The following ST8SIA5 variants were observed in gnomAD, a reference collection of about 807,000 sequenced individuals.
The protein encoded by ST8SIA5 is ST8 alpha-N-acetyl-neuraminide alpha-2,8-sialyltransferase 5, also known as alpha-2,8-sialyltransferase 8E.
A neutral mutation model predicts 40.2 loss-of-function variants in ST8SIA5; 24 were observed. That is an observed-to-expected ratio of 0.60 (90% confidence interval 0.43 to 0.84). The LOEUF (loss-of-function observed/expected upper bound fraction) is 0.84, where lower values mean the gene tolerates loss of function less well. Ranked by LOEUF, ST8SIA5 falls within the 40% of genes least tolerant of loss-of-function variation. The pLI, the probability that ST8SIA5 is intolerant of heterozygous loss-of-function variation, is 0.00. For synonymous variants in ST8SIA5, 198 were observed against 201.8 expected (o/e 0.98, Z 0.16); for missense variants, 465 against 498.5 (o/e 0.93, Z 0.64).
chr18:46,731,354 A>G (rs1334654777), intron 1 of ST8SIA5, among the ~76,000 whole-genome samples: 1 of 152,262 alleles, frequency 6.6e-6, no homozygotes, highest in Admixed American at 6.5e-5. Flanking sequence ...AATGAAAAAT[A>G]AGGAAAACAA....
intron 1 of ST8SIA5, among the ~76,000 whole-genome samples, chr18:46,719,959 C>T (rs2039844842): frequency 6.6e-6 from 1 of 151,998 alleles, no homozygotes; most frequent in South Asian, 2.1e-4. Flanking sequence ...CCGTCTCAGC[C>T]TCCTGAGTAG....
At chr18:46,733,835 G>C (rs770796137) in intron 1 of ST8SIA5, among the ~76,000 whole-genome samples, 1 of 152,296 alleles carries the variant, frequency 6.6e-6, no homozygotes, top group South Asian at 2.1e-4. Flanking sequence ...GCCAGTGATG[G>C]GGCATCAGTT....
chr18:46,721,978 A>T (rs2039868481), intron 1 of ST8SIA5, among the ~76,000 whole-genome samples: 1 of 152,206 alleles, frequency 6.6e-6, no homozygotes, highest in Non-Finnish European at 1.5e-5. Flanking sequence ...CACTAAAATG[A>T]CAGCAAAGGG....
intron 1 of ST8SIA5, among the ~76,000 whole-genome samples, chr18:46,750,109 TAACAGAAAACATTCA>T (rs992406384): frequency 3.3e-5 from 5 of 152,190 alleles, no homozygotes; most frequent in African/African-American, 1.2e-4. Context: ...GATGTAAATC[TAACAGAAAACATTCA>T]AACTCTTTAT....
chr18:46,704,892 C>T (rs1221343901), intron 1 of ST8SIA5, among the ~76,000 whole-genome samples: 1 of 152,164 alleles, frequency 6.6e-6, no homozygotes, highest in Non-Finnish European at 1.5e-5. Flanking sequence ...GGAGTGTAGG[C>T]ATTTACAGAG....
chr18:46,746,060 C>T (rs769951229), intron 1 of ST8SIA5, among the ~76,000 whole-genome samples: 6 of 152,076 alleles, frequency 3.9e-5, no homozygotes, highest in Non-Finnish European at 8.8e-5. Context: ...GTTGAAGGAA[C>T]GTATCTCAAA....
intron 1 of ST8SIA5, 69 bp downstream of exon 1, chr18:46,756,309 G>C: frequency 6.3e-7 from 1 of 1,590,972 alleles, no homozygotes; most frequent in Non-Finnish European, 8.6e-7. Flanking sequence ...CGAAGCTGCC[G>C]CGGCCACTGC....
intron 2 of ST8SIA5, among the ~76,000 whole-genome samples, chr18:46,700,977 G>A (rs2039607800): frequency 6.6e-6 from 1 of 152,072 alleles, no homozygotes; most frequent in Admixed American, 6.5e-5. Context: ...TGTGTTTTGA[G>A]CTCAAAACAA....
chr18:46,743,277 A>C (rs941061252), intron 1 of ST8SIA5, among the ~76,000 whole-genome samples: 5 of 152,178 alleles, frequency 3.3e-5, no homozygotes, highest in African/African-American at 1.2e-4. Flanking sequence ...AGCTAAAGGA[A>C]CATGTTCTAA....
intron 5 of ST8SIA5, chr18:46,685,796 A>G (rs977073047): frequency 8.6e-6 from 2 of 231,618 alleles, no homozygotes; most frequent in East Asian, 8.8e-5. Flanking sequence ...GGTGAAGCCA[A>G]TATTGGTGTC....
At chr18:46,756,138 T>G (rs1477227344) in intron 1 of ST8SIA5, among the ~76,000 whole-genome samples, 1 of 152,168 alleles carries the variant, frequency 6.6e-6, no homozygotes, top group Non-Finnish European at 1.5e-5. Context: ...TTCTATTCTG[T>G]CCTTCATTTT....
chr18:46,707,834 GATGCTGTTT>G (rs1361933938), intron 1 of ST8SIA5, among the ~76,000 whole-genome samples: 1 of 152,212 alleles, frequency 6.6e-6, no homozygotes, highest in Non-Finnish European at 1.5e-5. Context: ...ACAGCAAGGA[GATGCTGTTT>G]ATGAACCAGG....
intron 1 of ST8SIA5, among the ~76,000 whole-genome samples, chr18:46,707,304 G>A (rs2039679169): frequency 6.6e-6 from 1 of 152,134 alleles, no homozygotes; most frequent in African/African-American, 2.4e-5. Context: ...GGGGAATTGG[G>A]GACTTGCAGA....
At chr18:46,682,140 A>T in intron 5 of ST8SIA5, 76 bp from the exon 6 acceptor site, 2 of 1,092,072 alleles carry the variant, frequency 1.8e-6, no homozygotes, top group Non-Finnish European at 2.6e-6. Context: ...GGGGGAGGGG[A>T]GGGATGGTGA....
chr18:46,690,684 A>G (rs1280224622), intron 3 of ST8SIA5, among the ~76,000 whole-genome samples: 1 of 128,796 alleles, frequency 7.8e-6, no homozygotes. Flanking sequence ...CATGATCTCC[A>G]CTCACTGCAA....
intron 1 of ST8SIA5, chr18:46,721,261 C>A: frequency 1.9e-6 from 2 of 1,079,860 alleles, no homozygotes; most frequent in Admixed American, 2.1e-5. Context: ...CAGAACAAGA[C>A]CTGCTTCTTC....
intron 3 of ST8SIA5, 110 bp from the exon 4 acceptor site, chr18:46,689,029 C>T: frequency 6.0e-6 from 8 of 1,343,020 alleles, no homozygotes; most frequent in South Asian, 1.5e-5. Flanking sequence ...CTCTCCTGCT[C>T]ACCTATCCCA....
At chr18:46,755,698 G>A (rs1330256519) in intron 1 of ST8SIA5, among the ~76,000 whole-genome samples, 4 of 152,124 alleles carry the variant, frequency 2.6e-5, no homozygotes, top group African/African-American at 7.2e-5. Context: ...GGGTGGAGTA[G>A]GGGGAGAGCC....
chr18:46,695,185 TA>T (rs2039546368), intron 2 of ST8SIA5, among the ~76,000 whole-genome samples: 1 of 151,868 alleles, frequency 6.6e-6, no homozygotes, highest in Non-Finnish European at 1.5e-5. Context: ...AAACCCTTTT[TA>T]AAAAAAGGGT....
Sources: gnomAD v4.1 joint callset for allele counts (sites outside exome capture counted in the v4.1 genomes callset) on GRCh38, gnomAD v4.1.1 for gene constraint, MANE v1.5 for transcripts, NCBI Gene and HGNC (gene_info 2026-07-23, HGNC 2026-07-21) for gene names.